Variants in MFAP5 observed in about 807,000 individuals in gnomAD.
The protein encoded by MFAP5 is microfibril associated protein 5, also known as microfibrillar-associated protein 5.
A neutral mutation model predicts 30.1 loss-of-function variants in MFAP5; 19 were observed. The ratio of observed to expected loss-of-function variants is 0.63; its 90% CI spans 0.44 to 0.93. The LOEUF (loss-of-function observed/expected upper bound fraction) is 0.93, where lower values mean the gene tolerates loss of function less well. Ranked by LOEUF, MFAP5 falls within the 40% of genes least tolerant of loss-of-function variation. MFAP5 has a pLI of 0.00. For missense variants in MFAP5, 210 were observed against 221.3 expected, an observed-to-expected ratio of 0.95 and a Z score of 0.32; for synonymous variants, 92 against 72.9, an observed-to-expected ratio of 1.26 and a Z score of -1.33.
At position 8,649,484 on chromosome 12, in the gene MFAP5, T is replaced by C. The variant is rs1457587543; in HGVS notation, c.409+17A>G. On this transcript the variant is annotated intron_variant, in intron 9 of 9. Coordinates refer to ENST00000359478, the MANE Select transcript of MFAP5 (RefSeq NM_003480.4). ...CATAACTGCTTCTCTCCATTAAACA[T>C]CCAGACATCATCTTACCTTTCATAG... 1 of 1,610,350 alleles carries C rather than the reference T, an allele frequency of 6.2e-7. No homozygotes were observed. The highest frequency in any genetic ancestry group is 1.1e-5 in the South Asian group (1 of 91,018).
At chr12:8,660,828 A>T (rs989904475) in intron 3 of MFAP5, 35 bp downstream of exon 3, 24 of 1,587,752 alleles carry the variant, frequency 1.5e-5, no homozygotes, top group Non-Finnish European at 1.8e-5. Context: ...CCTGATAAGA[A>T]CCCCAACAGA....
At chr12:8,661,944 C>A in intron 2 of MFAP5, 103 bp downstream of exon 2, 1 of 1,113,292 alleles carries the variant, frequency 9.0e-7, no homozygotes, top group Non-Finnish European at 1.4e-6. Context: ...TACCAAGCAT[C>A]TCTACTGCTA....
In MFAP5 at chr12:8,647,975, G is replaced by A. The variant is rs1941727795; in HGVS notation, c.*116C>T. The A allele has an allele frequency of 1.3e-5, 9 of 688,570 alleles. No individual in the cohort carries two copies. Among genetic ancestry groups the A allele is most frequent in the Non-Finnish European group, 2.2e-5 (9 of 417,350 alleles). 42.7% of individuals were successfully genotyped at this position (688,570 alleles called of 1,614,324 possible). A position where few individuals can be genotyped will look rare whatever the true frequency, so the allele number is the denominator to read the frequency against. Reference sequence around the variant, plus strand: ...AGAGTAGGGGTAAAAGCTGGACATTGCAAAAGGATTGGTTTAAGAAATACT... The same window carrying A: ...AGAGTAGGGGTAAAAGCTGGACATTACAAAAGGATTGGTTTAAGAAATACT... On this transcript the variant is annotated 3_prime_UTR_variant, in exon 10 of 10. Transcript: ENST00000359478.
intron 3 of MFAP5, among the ~76,000 whole-genome samples, chr12:8,658,819 T>A (rs987780197): frequency 3.3e-5 from 5 of 151,754 alleles, no homozygotes; most frequent in Non-Finnish European, 4.4e-5. Context: ...AAAAAAAAAA[T>A]TAACGTATTT....
At chr12:8,652,445 AAAAT>A (rs56176308) in intron 6 of MFAP5, among the ~76,000 whole-genome samples, 123,525 of 147,512 alleles carry the variant, frequency 0.84, 52,102 homozygotes, top group East Asian at 0.92. Flanking sequence ...ACTCCATCTC[AAAAT>A]AAATAAATAA....
rs1194668780 is a variant in MFAP5 at position 8,646,859 on chromosome 12, T to A, written c.*1232A>T. 6.6e-6 allele frequency: 1 copy of A among 152,136 alleles called. No individual in the cohort carries two copies. The highest frequency in any genetic ancestry group is 1.5e-5 in the Non-Finnish European group (1 of 68,056). 9.4% of individuals were successfully genotyped at this position (152,136 alleles called of 1,614,324 possible). A position where few individuals can be genotyped will look rare whatever the true frequency, so the allele number is the denominator to read the frequency against. ...CATGTTGGCCAGGCTCGTCTCAAATTTCTGACCTCAAGTGATCCACCCGCC... is the reference window on the plus strand; with the variant it reads ...CATGTTGGCCAGGCTCGTCTCAAATATCTGACCTCAAGTGATCCACCCGCC... On this transcript the variant is annotated 3_prime_UTR_variant, in exon 10 of 10. Transcript: ENST00000359478.
intron 4 of MFAP5, 35 bp downstream of exon 4, chr12:8,655,751 C>CAGCA (rs1941963477): frequency 1.3e-6 from 2 of 1,597,970 alleles, no homozygotes; most frequent in African/African-American, 1.3e-5. Flanking sequence ...CCCAATAAAA[C>CAGCA]AGCAAACAAA....
chr12:8,661,965 ACCTCATTCCAT>A, intron 2 of MFAP5, 71 bp downstream of exon 2: 1 of 1,313,554 alleles, frequency 7.6e-7, no homozygotes. Context: ...TTCCTCTTCG[ACCTCATTCCAT>A]CCCATCTCCT....
intron 7 of MFAP5, among the ~76,000 whole-genome samples, chr12:8,650,923 T>C (rs1051528990): frequency 2.0e-5 from 3 of 152,116 alleles, no homozygotes; most frequent in African/African-American, 7.2e-5. Flanking sequence ...TTCCAGCACT[T>C]TGCGGGGACG....
intron 6 of MFAP5, 134 bp from the exon 7 acceptor site, chr12:8,651,825 A>T: frequency 3.8e-6 from 3 of 784,130 alleles, no homozygotes; most frequent in Non-Finnish European, 6.5e-6. Context: ...ACTCTTAGCA[A>T]CTTCTAAAAG....
rs749233010 is a variant in MFAP5, at chr12:8,662,075, C to T, written c.30G>A (p.Leu10=). 6.2e-7 allele frequency: 1 copy of T among 1,613,860 alleles called. No individual in the cohort carries two copies. Among genetic ancestry groups the T allele is most frequent in the Non-Finnish European group, 8.5e-7 (1 of 1,180,020 alleles). Residue 10 remains leucine (L), a synonymous_variant, in exon 2 of 10, where the codon CTG becomes CTA. Transcript: ENST00000359478. MSLLGPKVL[L]FLAAFIITSD... ...AGGTGATGATGAATGCAGCAAGAAA[C>T]AGCAGCACCTTGGGTCCCAAGAGCG...
intron 4 of MFAP5, 113 bp from the exon 5 acceptor site, chr12:8,655,560 C>A: frequency 8.5e-7 from 1 of 1,183,090 alleles, no homozygotes; most frequent in Non-Finnish European, 1.2e-6. Context: ...AAGTGAAAGC[C>A]TGTGGACTCG....
intron 2 of MFAP5, 94 bp from the exon 3 acceptor site, chr12:8,660,992 G>T: frequency 1.9e-6 from 2 of 1,078,872 alleles, no homozygotes; most frequent in Non-Finnish European, 2.8e-6. Context: ...TGGAGAAATG[G>T]TTATACTTTA....
At chr12:8,660,117 C>CA (rs1326398893) in intron 3 of MFAP5, among the ~76,000 whole-genome samples, 1 of 151,514 alleles carries the variant, frequency 6.6e-6, no homozygotes, top group African/African-American at 2.4e-5. Flanking sequence ...GCTGAAAAAC[C>CA]AAAAAATACC....
chr12:8,650,475 C>A lies in MFAP5; in HGVS notation c.335+27G>T, dbSNP rs370396141. Reference sequence around the variant, plus strand: ...CACAGAAACACTACCATGGAAGATGCTTTTTGGGCATTCTGGGATCCCTTA... The same window carrying A: ...CACAGAAACACTACCATGGAAGATGATTTTTGGGCATTCTGGGATCCCTTA... On this transcript the variant is annotated intron_variant, in intron 8 of 9. Transcript: ENST00000359478. 6.1e-5 allele frequency: 98 copies of A among 1,601,892 alleles called. No individual in the cohort carries two copies. The Middle Eastern group carries it at 6.6e-4, about 11-fold the overall frequency.
Position 8,650,571 on chromosome 12 carries a change from A to G in MFAP5, c.266T>C (p.Phe89Ser). The stretch of plus-strand genomic sequence containing the variant: ...CACAGAGTAGAGCCTTGTGCAGGTA[A>G]ATTTCTCATCCCAGCACTCTGAGGA... ...NTTAECWDEK[F>S]TCTRLYSVHR... Residue 89 changes from phenylalanine (F) to serine (S), a missense_variant, in exon 8 of 10, where the codon TTT (phenylalanine) becomes TCT (serine). Coordinates refer to ENST00000359478, the MANE Select transcript of MFAP5 (RefSeq NM_003480.4). The G allele has an allele frequency of 6.2e-7, 1 of 1,614,058 alleles. No homozygotes were observed.
At position 8,648,191 on chromosome 12, in the gene MFAP5, C is replaced by A. The variant is rs767319138; in HGVS notation, c.422G>T (p.Arg141Leu). The A allele has an allele frequency of 2.5e-6, 4 of 1,612,760 alleles. No individual in the cohort carries two copies. In the African/African-American group the frequency reaches 4.0e-5, roughly 16 times the overall value. ...CCTAGGGGGCAGACCAGCCATCTGA[C>A]GGCAAAGCTCATCTAGAAGAGAAGC... Reference protein sequence around the residue: ...EHEAMKDELCRQMAGLPPRRL... With the variant: ...EHEAMKDELCLQMAGLPPRRL... The change falls in exon 10 of 10, where the codon CGT becomes CTT. Residue 141 changes from arginine to leucine, a missense_variant. Transcript: ENST00000359478.
chr12:8,658,637 A>G (rs1196805871), intron 3 of MFAP5: 4 of 152,074 alleles, frequency 2.6e-5, no homozygotes, highest in Admixed American at 1.3e-4. Context: ...CCAGCCACTC[A>G]CAGAAACAGG....
intron 5 of MFAP5, among the ~76,000 whole-genome samples, chr12:8,655,093 C>T (rs1941945449): frequency 6.6e-6 from 1 of 152,068 alleles, no homozygotes; most frequent in Non-Finnish European, 1.5e-5. Flanking sequence ...GCTCGGCCAA[C>T]ATGGTGAAAT....
Sources: gnomAD v4.1 joint callset for allele counts (sites outside exome capture counted in the v4.1 genomes callset) on GRCh38, gnomAD v4.1.1 for gene constraint, MANE v1.5 for transcripts, NCBI Gene and HGNC (gene_info 2026-07-23, HGNC 2026-07-21) for gene names.